SORCS1: variants seen among roughly 807,000 people sequenced by gnomAD.
SORCS1 encodes the protein sortilin related VPS10 domain containing receptor 1, also known as VPS10 domain-containing receptor SorCS1.
Under a neutral mutation model 146.1 loss-of-function variants are expected in SORCS1, and 60 were observed. The ratio of observed to expected loss-of-function variants is 0.41; its 90% CI spans 0.33 to 0.51. The LOEUF (loss-of-function observed/expected upper bound fraction) is 0.51, where lower values mean the gene tolerates loss of function less well. Ranked by LOEUF, SORCS1 falls within the 20% of genes least tolerant of loss-of-function variation. The pLI is 0.21. For synonymous variants in SORCS1, 637 were observed against 584.0 expected (o/e 1.09, Z -1.31); for missense variants, 1,352 against 1,487.6 (o/e 0.91, Z 1.50).
At chr10:106,749,666 C>T (rs1035332153) in intron 5 of SORCS1, among the ~76,000 whole-genome samples, 4 of 152,186 alleles carry the variant, frequency 2.6e-5, no homozygotes, top group African/African-American at 9.7e-5. Flanking sequence ...ATTAAAAATT[C>T]CCATTGAAAA....
rs566944805 is a variant in SORCS1 at position 107,045,838 on chromosome 10, C to T, written c.559-89258G>A. Among the ~76,000 whole-genome samples the T allele has an allele frequency of 6.9e-5, 10 of 144,966 alleles. 1 individual carries two copies. Among genetic ancestry groups the T allele is most frequent in the African/African-American group, 2.6e-4 (10 of 39,024 alleles). On this transcript the variant is annotated intron_variant, in intron 1 of 25. Coordinates refer to ENST00000263054, the MANE Select transcript of SORCS1 (RefSeq NM_052918.5). ...TTATTCTGTCACCCAGGCTGGAATA[C>T]AGTGGCATAACAACAGTGTACTACA...
At chr10:106,944,994 TCCTGCCTCAAACTC>T (rs1471991714) in intron 2 of SORCS1, among the ~76,000 whole-genome samples, 1 of 147,464 alleles carries the variant, frequency 6.8e-6, no homozygotes, top group Non-Finnish European at 1.5e-5. Flanking sequence ...CAAGCAATTC[TCCTGCCTCAAACTC>T]CCGAGAGGCT....
intron 1 of SORCS1, among the ~76,000 whole-genome samples, chr10:107,079,539 T>C (rs1470385192): frequency 6.6e-6 from 1 of 152,192 alleles, no homozygotes; most frequent in Non-Finnish European, 1.5e-5. Flanking sequence ...CTGCTAACAA[T>C]TTTTTGCTAC....
At chr10:106,737,351 C>T (rs1857027274) in intron 5 of SORCS1, among the ~76,000 whole-genome samples, 1 of 152,090 alleles carries the variant, frequency 6.6e-6, no homozygotes, top group Non-Finnish European at 1.5e-5. Flanking sequence ...TTGCTTTTTC[C>T]ATCAGTGTTT....
At chr10:106,694,197 C>A (rs1015778803) in intron 9 of SORCS1, among the ~76,000 whole-genome samples, 4 of 152,142 alleles carry the variant, frequency 2.6e-5, no homozygotes, top group Admixed American at 2.6e-4. Flanking sequence ...AACCAAAGAG[C>A]ACTCTCCTCC....
In SORCS1 at chr10:106,956,518, A is replaced by C. The variant is rs765671788; in HGVS notation, c.621T>G (p.Leu207=). The part of the protein sequence containing the change: ...YNLGSITESS[L]WRSTDYGTTY... The stretch of plus-strand genomic sequence containing the variant: ...AGCTCCATTTATCTACATACCTCCA[A>C]AGCGAGCTCTCTGTGATGCTCCCCA... Residue 207 remains leucine (L), a synonymous_variant, in exon 2 of 26, where the codon CTT becomes CTG. Transcript: ENST00000263054. 6.2e-7 allele frequency: 1 copy of C among 1,614,020 alleles called. No individual in the cohort carries two copies. The highest frequency in any genetic ancestry group is 2.2e-5 in the East Asian group (1 of 44,876).
At chr10:107,006,448 G>A (rs1215193546) in intron 1 of SORCS1, among the ~76,000 whole-genome samples, 5 of 152,178 alleles carry the variant, frequency 3.3e-5, no homozygotes, top group Admixed American at 2.6e-4. Context: ...CCCCAGAAGG[G>A]TAATAAGTAG....
At chr10:107,160,938 C>A (rs1043867961) in intron 1 of SORCS1, among the ~76,000 whole-genome samples, 1 of 152,142 alleles carries the variant, frequency 6.6e-6, no homozygotes, top group African/African-American at 2.4e-5. Flanking sequence ...AGGGTGGGAA[C>A]AATATGTTCT....
At chr10:106,952,606 G>A (rs910230490) in intron 2 of SORCS1, among the ~76,000 whole-genome samples, 1 of 140,438 alleles carries the variant, frequency 7.1e-6, no homozygotes, top group African/African-American at 2.6e-5. Flanking sequence ...ATAATATGAA[G>A]TATTATACAT....
intron 1 of SORCS1, among the ~76,000 whole-genome samples, chr10:107,072,484 A>C (rs75787190): frequency 1.2e-3 from 186 of 152,296 alleles, no homozygotes; most frequent in African/African-American, 4.3e-3. Flanking sequence ...GATTTAGTTA[A>C]TATAATCTGT....
chr10:107,065,011 T>C (rs1476653535), intron 1 of SORCS1, among the ~76,000 whole-genome samples: 1 of 152,136 alleles, frequency 6.6e-6, no homozygotes, highest in Non-Finnish European at 1.5e-5. Context: ...TGGGAACAGC[T>C]GGAACTATGA....
chr10:107,093,832 G>GT (rs1050949872), intron 1 of SORCS1, among the ~76,000 whole-genome samples: 3 of 151,978 alleles, frequency 2.0e-5, no homozygotes, highest in African/African-American at 7.3e-5. Context: ...ATCCCTTTCT[G>GT]TTCTCTACCT....
At chr10:106,923,353 C>T (rs1040667148) in intron 2 of SORCS1, among the ~76,000 whole-genome samples, 2 of 152,108 alleles carry the variant, frequency 1.3e-5, no homozygotes, top group African/African-American at 4.8e-5. Flanking sequence ...TTCTTTTTAG[C>T]TGAATAATAT....
intron 1 of SORCS1, among the ~76,000 whole-genome samples, chr10:106,988,436 C>T (rs1956587867): frequency 1.3e-5 from 2 of 152,154 alleles, no homozygotes; most frequent in African/African-American, 2.4e-5. Flanking sequence ...TTGAGAATTA[C>T]AGCAGTCTCT....
chr10:106,868,347 C>G (rs1000035609), intron 2 of SORCS1, among the ~76,000 whole-genome samples: 4 of 152,138 alleles, frequency 2.6e-5, no homozygotes, highest in Non-Finnish European at 2.9e-5. Context: ...CCAAATCAAT[C>G]TGATAGACCT....
At chr10:106,885,201 TC>T (rs1398691033) in intron 2 of SORCS1, among the ~76,000 whole-genome samples, 1 of 151,956 alleles carries the variant, frequency 6.6e-6, no homozygotes, top group Non-Finnish European at 1.5e-5. Flanking sequence ...TATAATTTTT[TC>T]TTCTTGCTTC....
At chr10:106,664,558 C>T (rs1029629695) in intron 17 of SORCS1, among the ~76,000 whole-genome samples, 3 of 152,064 alleles carry the variant, frequency 2.0e-5, no homozygotes, top group African/African-American at 7.2e-5. Context: ...AGGAGAATGG[C>T]GTGAACCTGG....
At chr10:106,657,220 G>T (rs1319266996) in intron 17 of SORCS1, among the ~76,000 whole-genome samples, 1 of 152,126 alleles carries the variant, frequency 6.6e-6, no homozygotes, top group Non-Finnish European at 1.5e-5. Context: ...CCTATCAGCT[G>T]ATGAGTGGAT....
intron 1 of SORCS1, among the ~76,000 whole-genome samples, chr10:107,075,920 G>T (rs113304318): frequency 0.014 from 2,056 of 152,042 alleles, 47 homozygotes; most frequent in African/African-American, 0.047. Context: ...ATTGTCACCA[G>T]CCATATCAGC....
Sources: allele counts gnomAD v4.1 joint callset (sites outside exome capture counted in the v4.1 genomes callset), GRCh38; gene constraint gnomAD v4.1.1; transcripts MANE v1.5; gene names NCBI Gene and HGNC (gene_info 2026-07-23, HGNC 2026-07-21).